Variants in NALF1 observed in about 807,000 individuals in gnomAD.
NALF1 encodes the protein family with sequence similarity 155 member A.
NALF1 carries 3 observed loss-of-function variants against 48.4 expected under a neutral mutation model. The observed-to-expected ratio is 0.06, with a 90% CI of 0.03 to 0.16. The LOEUF (loss-of-function observed/expected upper bound fraction) is 0.16, where lower values mean the gene tolerates loss of function less well. Ranked by LOEUF, NALF1 falls within the 10% of genes least tolerant of loss-of-function variation. The pLI, the probability that NALF1 is intolerant of heterozygous loss-of-function variation, is 1.00. For synonymous variants in NALF1, 262 were observed against 245.7 expected (o/e 1.07, Z -0.62); for missense variants, 526 against 571.5 (o/e 0.92, Z 0.81).
chr13:107,171,947 G>A (rs1339472546), intron 2 of NALF1, among the ~76,000 whole-genome samples: 1 of 152,100 alleles, frequency 6.6e-6, no homozygotes, highest in Non-Finnish European at 1.5e-5. Context: ...ATGAAAATTT[G>A]GGCTGCTGTG....
intron 1 of NALF1, among the ~76,000 whole-genome samples, chr13:107,400,454 A>G (rs1053737143): frequency 7.9e-5 from 12 of 152,066 alleles, no homozygotes; most frequent in Non-Finnish European, 8.8e-5. Context: ...GATGGTTCAC[A>G]CCTGTAATCC....
intron 1 of NALF1, among the ~76,000 whole-genome samples, chr13:107,397,897 T>C (rs1883738824): frequency 6.6e-6 from 1 of 152,140 alleles, no homozygotes; most frequent in African/African-American, 2.4e-5. Flanking sequence ...ATAAGGCTCA[T>C]GATATAAATG....
At chr13:107,531,769 G>A (rs1876647901) in intron 1 of NALF1, among the ~76,000 whole-genome samples, 1 of 151,898 alleles carries the variant, frequency 6.6e-6, no homozygotes, top group Non-Finnish European at 1.5e-5. Context: ...CGTGTTGCAA[G>A]TAATTTTTCC....
chr13:107,376,619 A>G (rs1291275873), intron 1 of NALF1, among the ~76,000 whole-genome samples: 1 of 152,212 alleles, frequency 6.6e-6, no homozygotes, highest in Non-Finnish European at 1.5e-5. Context: ...GCTGAAGACT[A>G]ATGTAACAGA....
intron 1 of NALF1, among the ~76,000 whole-genome samples, chr13:107,484,944 A>T (rs919694611): frequency 6.6e-6 from 1 of 152,136 alleles, no homozygotes; most frequent in African/African-American, 2.4e-5. Context: ...ATTTGTCTTT[A>T]GGGTATTTCC....
rs192560506 is a variant in NALF1, at chr13:107,468,750, T to C, written c.916-257995A>G. Among the ~76,000 whole-genome samples, 672 of 152,254 alleles carry C rather than the reference T, an allele frequency of 4.4e-3. 8 individuals carry two copies. Among genetic ancestry groups the C allele is most frequent in the African/African-American group, 0.016 (650 of 41,540 alleles). ...CGAATATGCAAACAAATAGTTATAA[T>C]AATGGGTGATTTTAACATTGGGAGT... On this transcript the variant is annotated intron_variant, in intron 1 of 2. Coordinates refer to ENST00000375915, the MANE Select transcript of NALF1 (RefSeq NM_001080396.3).
At chr13:107,336,845 G>C (rs1882567245) in intron 1 of NALF1, among the ~76,000 whole-genome samples, 1 of 151,842 alleles carries the variant, frequency 6.6e-6, no homozygotes, top group Non-Finnish European at 1.5e-5. Flanking sequence ...AGTTACAGCA[G>C]GATCAAGGAA....
chr13:107,822,249 G>C (rs1390671042), intron 1 of NALF1, among the ~76,000 whole-genome samples: 1 of 151,914 alleles, frequency 6.6e-6, no homozygotes, highest in African/African-American at 2.4e-5. Context: ...TTAAGAAAAT[G>C]CACTTGTGTG....
chr13:107,810,296 A>G (rs994856111), intron 1 of NALF1, among the ~76,000 whole-genome samples: 5 of 152,048 alleles, frequency 3.3e-5, no homozygotes, highest in Admixed American at 1.3e-4. Context: ...CCCTTTTATA[A>G]TGATTCCTTA....
intron 1 of NALF1, among the ~76,000 whole-genome samples, chr13:107,407,900 A>T (rs1883926478): frequency 6.6e-6 from 1 of 152,136 alleles, no homozygotes; most frequent in Non-Finnish European, 1.5e-5. Context: ...CATATACTCA[A>T]TGGAGTACTA....
chr13:107,743,991 T>C (rs192425485), intron 1 of NALF1, among the ~76,000 whole-genome samples: 24 of 152,336 alleles, frequency 1.6e-4, no homozygotes, highest in Non-Finnish European at 3.1e-4. Flanking sequence ...TGTAGAAGAC[T>C]AGCCCAGTAG....
intron 1 of NALF1, among the ~76,000 whole-genome samples, chr13:107,364,774 C>T (rs919039904): frequency 2.3e-5 from 3 of 132,716 alleles, no homozygotes; most frequent in Non-Finnish European, 3.4e-5. Context: ...CTACCCCAAG[C>T]TCGTAAGAGC....
At chr13:107,739,642 T>A (rs912244821) in intron 1 of NALF1, among the ~76,000 whole-genome samples, 1 of 152,126 alleles carries the variant, frequency 6.6e-6, no homozygotes, top group South Asian at 2.1e-4. Context: ...TAGCAATTTA[T>A]TAAGACCTCA....
intron 1 of NALF1, among the ~76,000 whole-genome samples, chr13:107,453,132 G>A (rs1227423568): frequency 6.6e-6 from 1 of 152,182 alleles, no homozygotes; most frequent in Non-Finnish European, 1.5e-5. Context: ...CAATCTGTCA[G>A]TGAATCTACC....
intron 1 of NALF1, among the ~76,000 whole-genome samples, chr13:107,596,434 A>G (rs933486667): frequency 1.3e-5 from 2 of 152,214 alleles, no homozygotes; most frequent in African/African-American, 4.8e-5. Context: ...ATGCTCATCA[A>G]TGATAGATTG....
At chr13:107,577,565 G>A (rs75715109) in intron 1 of NALF1, among the ~76,000 whole-genome samples, 3,679 of 152,266 alleles carry the variant, frequency 0.024, 73 homozygotes, top group Middle Eastern at 0.061. Flanking sequence ...TTTGAAAAGC[G>A]ATCTACATAT....
chr13:107,556,560 C>A (rs929362265), intron 1 of NALF1, among the ~76,000 whole-genome samples: 6 of 151,972 alleles, frequency 3.9e-5, no homozygotes, highest in African/African-American at 1.5e-4. Flanking sequence ...GGCGCCATCT[C>A]GGCTCACTGC....
At chr13:107,732,279 T>C (rs192179501) in intron 1 of NALF1, among the ~76,000 whole-genome samples, 9 of 152,234 alleles carry the variant, frequency 5.9e-5, no homozygotes, top group South Asian at 2.1e-4. Flanking sequence ...TGAATACTTA[T>C]ATATAAAACA....
chr13:107,779,077 A>T (rs561260098), intron 1 of NALF1, among the ~76,000 whole-genome samples: 1 of 152,194 alleles, frequency 6.6e-6, no homozygotes, highest in African/African-American at 2.4e-5. Flanking sequence ...CATATTTTGA[A>T]TATTTTGGCT....
Sources: allele counts gnomAD v4.1 joint callset (sites outside exome capture counted in the v4.1 genomes callset), GRCh38; gene constraint gnomAD v4.1.1; transcripts MANE v1.5; gene names NCBI Gene and HGNC (gene_info 2026-07-23, HGNC 2026-07-21).